Variants in MICU1 observed in about 807,000 individuals in gnomAD.
MICU1 encodes the protein mitochondrial calcium uptake 1, also known as calcium uptake protein 1, mitochondrial.
A neutral mutation model predicts 56.8 loss-of-function variants in MICU1; 45 were observed. That is an observed-to-expected ratio of 0.79 (90% CI 0.62 to 1.02). The LOEUF (loss-of-function observed/expected upper bound fraction) is 1.02. MICU1 is among the 50% of genes least tolerant of loss of function. The probability of loss-of-function intolerance (pLI) is 0.00; values close to 1 mark genes in which losing one functional copy is unlikely to be tolerated. For synonymous variants in MICU1, 186 were observed against 195.1 expected (o/e 0.95, Z 0.39); for missense variants, 504 against 587.1 (o/e 0.86, Z 1.46).
chr10:72,409,002 C>T (rs537687493), intron 9 of MICU1, among the ~76,000 whole-genome samples: 2 of 151,898 alleles, frequency 1.3e-5, no homozygotes, highest in Non-Finnish European at 2.9e-5. Context: ...TATGATGCAT[C>T]GAGAAAAAGT....
intron 5 of MICU1, among the ~76,000 whole-genome samples, chr10:72,529,737 C>T (rs556940690): frequency 6.6e-6 from 1 of 151,934 alleles, no homozygotes; most frequent in African/African-American, 2.4e-5. Flanking sequence ...TAAATGATTA[C>T]ATGAAAGAAA....
At chr10:72,556,574 G>A (rs569757185) in intron 3 of MICU1, among the ~76,000 whole-genome samples, 3 of 152,040 alleles carry the variant, frequency 2.0e-5, no homozygotes, top group African/African-American at 7.2e-5. Flanking sequence ...CCTGAGCTCA[G>A]GTGATCCACC....
At chr10:72,534,461 G>A (rs915330405) in intron 4 of MICU1, among the ~76,000 whole-genome samples, 3 of 152,080 alleles carry the variant, frequency 2.0e-5, no homozygotes, top group Admixed American at 6.5e-5. Flanking sequence ...ATAAGAAACA[G>A]TCCTTGCCTT....
At chr10:72,616,586 T>TTAAA (rs1466319778) in intron 1 of MICU1, among the ~76,000 whole-genome samples, 1 of 96,474 alleles carries the variant, frequency 1.0e-5, no homozygotes, top group South Asian at 3.6e-4. Context: ...AAACTCCATC[T>TTAAA]AAAAAAAAAA....
chr10:72,525,371 A>C (rs541222938), intron 5 of MICU1, among the ~76,000 whole-genome samples: 1 of 152,326 alleles, frequency 6.6e-6, no homozygotes, highest in Admixed American at 6.5e-5. Context: ...TTCTTGACTG[A>C]AAAATGGATG....
intron 8 of MICU1, among the ~76,000 whole-genome samples, chr10:72,453,689 C>T (rs553894467): frequency 5.9e-5 from 9 of 151,992 alleles, no homozygotes; most frequent in Non-Finnish European, 1.0e-4. Flanking sequence ...ACCACCACGC[C>T]GGGCTAATTT....
chr10:72,394,701 A>G (rs2132074165), intron 10 of MICU1, among the ~76,000 whole-genome samples: 1 of 151,926 alleles, frequency 6.6e-6, no homozygotes. Context: ...AACTATTACA[A>G]TACCAACCAC....
intron 4 of MICU1, 109 bp downstream of exon 4, chr10:72,551,048 GATATTCAATAGACACACTGTTC>G: frequency 4.4e-6 from 4 of 904,592 alleles, no homozygotes; most frequent in Non-Finnish European, 6.2e-6. Flanking sequence ...CACAATGCCT[GATATTCAATAGACACACTGTTC>G]ATATCATCAT....
At chr10:72,528,880 C>T (rs1839397697) in intron 5 of MICU1, 1 of 154,672 alleles carries the variant, frequency 6.5e-6, no homozygotes, top group Non-Finnish European at 1.4e-5. Context: ...AACAATTTCC[C>T]CCAAAAGGAA....
At chr10:72,372,056 GAAA>G (rs57403485) in intron 11 of MICU1, among the ~76,000 whole-genome samples, 2 of 124,704 alleles carry the variant, frequency 1.6e-5, no homozygotes, top group African/African-American at 2.9e-5. Flanking sequence ...ATGCTGTCTC[GAAA>G]AAAAAAAAAA....
intron 10 of MICU1, among the ~76,000 whole-genome samples, chr10:72,404,636 A>C (rs1375847510): frequency 6.6e-6 from 1 of 152,234 alleles, no homozygotes; most frequent in Non-Finnish European, 1.5e-5. Context: ...ATAATAATGG[A>C]ATATTATGAA....
chr10:72,518,724 C>T (rs1310001194), intron 5 of MICU1, among the ~76,000 whole-genome samples: 3 of 152,068 alleles, frequency 2.0e-5, no homozygotes, highest in Admixed American at 6.6e-5. Flanking sequence ...GCTCTGTTGC[C>T]CAGGCTGAAG....
intron 4 of MICU1, among the ~76,000 whole-genome samples, chr10:72,542,577 G>A (rs757148457): frequency 2.0e-5 from 3 of 152,196 alleles, no homozygotes; most frequent in Non-Finnish European, 4.4e-5. Context: ...TACGGGCCAC[G>A]CAGCAGCATC....
intron 6 of MICU1, among the ~76,000 whole-genome samples, chr10:72,495,655 C>CAAAAA (rs758909513): frequency 3.5e-5 from 3 of 85,428 alleles, no homozygotes; most frequent in East Asian, 5.6e-4. Context: ...ACCTCTGTCT[C>CAAAAA]AAAAAAAAAA....
At chr10:72,591,454 A>C (rs1318750329) in intron 1 of MICU1, among the ~76,000 whole-genome samples, 1 of 152,168 alleles carries the variant, frequency 6.6e-6, no homozygotes, top group African/African-American at 2.4e-5. Context: ...TTTGAAAAAA[A>C]TAAAAAAAAT....
chr10:72,416,738 T>G (rs1863994996), intron 9 of MICU1, among the ~76,000 whole-genome samples: 1 of 152,152 alleles, frequency 6.6e-6, no homozygotes, highest in Non-Finnish European at 1.5e-5. Context: ...AAGTTCGAAT[T>G]GTACTTCCTC....
intron 8 of MICU1, among the ~76,000 whole-genome samples, chr10:72,461,882 G>A (rs1865649636): frequency 6.6e-6 from 1 of 152,156 alleles, no homozygotes; most frequent in South Asian, 2.1e-4. Context: ...TCAGGGAGGC[G>A]GAGGTTGCAG....
chr10:72,444,756 A>G (rs1865056144), intron 8 of MICU1, among the ~76,000 whole-genome samples: 1 of 152,162 alleles, frequency 6.6e-6, no homozygotes, highest in African/African-American at 2.4e-5. Flanking sequence ...GCAGCCTTGC[A>G]TTGTTTACTG....
intron 5 of MICU1, among the ~76,000 whole-genome samples, chr10:72,517,165 C>A (rs541932522): frequency 1.3e-5 from 2 of 152,116 alleles, no homozygotes; most frequent in Non-Finnish European, 2.9e-5. Context: ...ATGGGAGTTA[C>A]TAGAAAACAA....
Sources: gnomAD v4.1 joint callset for allele counts (sites outside exome capture counted in the v4.1 genomes callset) on GRCh38, gnomAD v4.1.1 for gene constraint, MANE v1.5 for transcripts, NCBI Gene and HGNC (gene_info 2026-07-23, HGNC 2026-07-21) for gene names.